Variants in HSD17B11 observed in about 807,000 individuals in gnomAD.
HSD17B11 encodes estradiol 17-beta-dehydrogenase 11.
HSD17B11 carries 22 observed loss-of-function variants against 27.8 expected under a neutral mutation model. The ratio of observed to expected loss-of-function variants is 0.79; its 90% confidence interval spans 0.56 to 1.13. The LOEUF is 1.13. Among genes scored for constraint, HSD17B11 ranks in the 50% most tolerant of loss-of-function variants. The probability of loss-of-function intolerance (pLI) is 0.00; values close to 1 mark genes in which losing one functional copy is unlikely to be tolerated. For synonymous variants in HSD17B11, 117 were observed against 132.8 expected, an observed-to-expected ratio of 0.88 and a Z score of 0.82; for missense variants, 314 against 351.1, an observed-to-expected ratio of 0.89 and a Z score of 0.84.
At chr4:87,385,400 G>A (rs530907947) in intron 1 of HSD17B11, among the ~76,000 whole-genome samples, 1 of 152,144 alleles carries the variant, frequency 6.6e-6, no homozygotes, top group South Asian at 2.1e-4. Context: ...AAAATAGAAT[G>A]GTTGTTGCCA....
chr4:87,362,387 G>A (rs913674696), intron 4 of HSD17B11, among the ~76,000 whole-genome samples: 5 of 152,150 alleles, frequency 3.3e-5, no homozygotes, highest in African/African-American at 2.4e-5. Context: ...TTAGCCAGAC[G>A]TGGTGATGCA....
intron 2 of HSD17B11, among the ~76,000 whole-genome samples, chr4:87,378,959 TA>T (rs1202052086): frequency 0.01 from 280 of 27,318 alleles, 12 homozygotes; most frequent in Non-Finnish European, 0.015. Context: ...TATATATATA[TA>T]TTTTTTTTTT....
intron 5 of HSD17B11, among the ~76,000 whole-genome samples, chr4:87,356,871 T>G (rs1388489474): frequency 1.3e-5 from 2 of 152,148 alleles, no homozygotes; most frequent in African/African-American, 2.4e-5. Flanking sequence ...CCTATGATAA[T>G]CACCTTTTTT....
At chr4:87,367,211 G>C (rs988143534) in intron 4 of HSD17B11, among the ~76,000 whole-genome samples, 22 of 152,198 alleles carry the variant, frequency 1.4e-4, no homozygotes, top group Non-Finnish European at 2.8e-4. Context: ...GCTTTGACTG[G>C]AATGGTGTGC....
chr4:87,355,306 A>G (rs1735364281), intron 5 of HSD17B11, among the ~76,000 whole-genome samples: 1 of 152,210 alleles, frequency 6.6e-6, no homozygotes, highest in Non-Finnish European at 1.5e-5. Context: ...TTCTTAAATC[A>G]AAATAAATTT....
chr4:87,337,435 G>A, intron 6 of HSD17B11, 69 bp from the exon 7 acceptor site: 1 of 887,880 alleles, frequency 1.1e-6, no homozygotes, highest in Admixed American at 2.1e-5. Flanking sequence ...ACCCTCTTTA[G>A]AAATACTTTT....
At chr4:87,388,631 C>A (rs182810263) in intron 1 of HSD17B11, among the ~76,000 whole-genome samples, 26 of 152,290 alleles carry the variant, frequency 1.7e-4, no homozygotes, top group African/African-American at 6.3e-4. Flanking sequence ...CTACTTTCAC[C>A]TTTTATTTTT....
At chr4:87,358,318 G>T (rs1255880494) in intron 4 of HSD17B11, among the ~76,000 whole-genome samples, 1 of 152,090 alleles carries the variant, frequency 6.6e-6, no homozygotes, top group Non-Finnish European at 1.5e-5. Context: ...CTCCATGACT[G>T]TTTTGGTCAC....
At chr4:87,368,963 A>C (rs865842407) in intron 4 of HSD17B11, among the ~76,000 whole-genome samples, 7 of 152,198 alleles carry the variant, frequency 4.6e-5, no homozygotes, top group African/African-American at 1.7e-4. Context: ...TCTATGGAGT[A>C]GCCATTCTTT....
At chr4:87,366,194 C>A (rs1284275480) in intron 4 of HSD17B11, 1 of 152,044 alleles carries the variant, frequency 6.6e-6, no homozygotes, top group African/African-American at 2.4e-5. Context: ...GTAAGAGATT[C>A]TGTGTATGAA....
rs568607651 is a variant in HSD17B11, at chr4:87,383,965, C to T, written c.211-1603G>A. Reference sequence around the variant, plus strand: ...CCCTAGGAGGACTCATACATTTATCCACAGAGAGGATGGTGAATCAGTGTA... The same window carrying T: ...CCCTAGGAGGACTCATACATTTATCTACAGAGAGGATGGTGAATCAGTGTA... On this transcript the variant is annotated intron_variant, in intron 1 of 6. Transcript: ENST00000358290. Among the ~76,000 whole-genome samples the T allele has an allele frequency of 6.4e-4, 98 of 152,070 alleles. 1 individual carries two copies. The highest frequency in any genetic ancestry group is 7.4e-4 in the Non-Finnish European group (50 of 68,000).
At chr4:87,380,470 C>CAAA (rs759061081) in intron 2 of HSD17B11, among the ~76,000 whole-genome samples, 2 of 39,048 alleles carry the variant, frequency 5.1e-5, no homozygotes, top group African/African-American at 1.1e-4. Flanking sequence ...AAGACTGTCT[C>CAAA]AAAAAAAAAA....
intron 4 of HSD17B11, among the ~76,000 whole-genome samples, chr4:87,372,169 G>C (rs1735729313): frequency 6.7e-6 from 1 of 150,212 alleles, no homozygotes; most frequent in Non-Finnish European, 1.5e-5. Flanking sequence ...CGTGAACCCA[G>C]GAGGCGGAGC....
intron 1 of HSD17B11, among the ~76,000 whole-genome samples, chr4:87,384,822 G>A (rs2110133831): frequency 6.6e-6 from 1 of 151,866 alleles, no homozygotes; most frequent in South Asian, 2.1e-4. Flanking sequence ...TCTGCTTTTT[G>A]CCCTTTGAAG....
intron 5 of HSD17B11, among the ~76,000 whole-genome samples, chr4:87,353,119 C>T (rs1431104672): frequency 7.2e-6 from 1 of 139,162 alleles, no homozygotes; most frequent in African/African-American, 3.0e-5. Flanking sequence ...CGGAGCTGTT[C>T]CTATTCGGCC....
chr4:87,347,103 A>ATT (rs763068482), intron 5 of HSD17B11, among the ~76,000 whole-genome samples: 1,980 of 62,436 alleles, frequency 0.032, 162 homozygotes, highest in African/African-American at 0.059. Context: ...AGTATTCTGG[A>ATT]TTTTTTTTTT....
At chr4:87,358,544 A>G (rs984161598) in intron 4 of HSD17B11, among the ~76,000 whole-genome samples, 3 of 152,224 alleles carry the variant, frequency 2.0e-5, no homozygotes, top group Non-Finnish European at 4.4e-5. Context: ...CACACAAAGC[A>G]TTCACTTAAT....
intron 4 of HSD17B11, among the ~76,000 whole-genome samples, chr4:87,370,048 T>G (rs1401558788): frequency 6.6e-6 from 1 of 152,198 alleles, no homozygotes; most frequent in Non-Finnish European, 1.5e-5. Flanking sequence ...AATTAAAATT[T>G]TTTTCCTAAG....
At chr4:87,342,275 G>C (rs959016396) in intron 5 of HSD17B11, among the ~76,000 whole-genome samples, 2 of 151,486 alleles carry the variant, frequency 1.3e-5, no homozygotes. Flanking sequence ...CCAGCTACTC[G>C]AGAGGCTGAG....
Sources: allele counts gnomAD v4.1 joint callset (sites outside exome capture counted in the v4.1 genomes callset), GRCh38; gene constraint gnomAD v4.1.1; transcripts MANE v1.5; gene names NCBI Gene and HGNC (gene_info 2026-07-23, HGNC 2026-07-21).